The following NLGN4Y variants were observed in gnomAD, a reference collection of about 807,000 sequenced individuals.
NLGN4Y encodes the protein neuroligin-4, Y-linked.
NLGN4Y carries 4 observed loss-of-function variants against 8.4 expected under a neutral mutation model. That is an observed-to-expected ratio of 0.48 (90% CI 0.23 to 1.09). The LOEUF is 1.09. Among genes scored for constraint, NLGN4Y ranks in the 50% least tolerant of loss-of-function variants. The pLI, the probability that NLGN4Y is intolerant of heterozygous loss-of-function variation, is 0.19. For synonymous variants in NLGN4Y, 35 were observed against 75.6 expected (o/e 0.46, Z 2.78); for missense variants, 90 against 192.3 (o/e 0.47, Z 3.15).
At position 14,669,890 on chromosome Y, in the gene NLGN4Y, A is replaced by C. The variant is rs757265845; in HGVS notation, c.472+47299A>C. Among the ~76,000 whole-genome samples the C allele has an allele frequency of 1.8e-3, 61 of 34,347 alleles. No homozygotes were observed. The East Asian group carries it at 0.041, about 23-fold the overall frequency. 92.1% of individuals were successfully genotyped at this position (34,347 alleles called of 37,273 possible). On this transcript the variant is annotated intron_variant, in intron 2 of 6. Transcript: ENST00000684976. Reference sequence around the variant, plus strand: ...TTGTTTCAGGCGCATTGACAGCCTGATCATAGGCTCTAGCCATGTACCATG... The same window carrying C: ...TTGTTTCAGGCGCATTGACAGCCTGCTCATAGGCTCTAGCCATGTACCATG...
At chrY:14,723,021 A>G (rs2080942330) in intron 3 of NLGN4Y, 96 bp from the exon 4 acceptor site, 1 of 256,737 alleles carries the variant, frequency 3.9e-6, no homozygotes. Context: ...AAGTCAAAAT[A>G]AGGAAATCAG....
chrY:14,577,694 A>T, intron 1 of NLGN4Y, among the ~76,000 whole-genome samples: 3 of 34,050 alleles, frequency 8.8e-5, no homozygotes, highest in Admixed American at 2.6e-4. Flanking sequence ...GTCCTTGAGG[A>T]ATCACCACGT....
At chrY:14,754,831 T>C in intron 4 of NLGN4Y, among the ~76,000 whole-genome samples, 1 of 33,841 alleles carries the variant, frequency 3.0e-5, no homozygotes, top group South Asian at 6.5e-4. Flanking sequence ...GATTATTCTT[T>C]AGTTTCCAAA....
intron 1 of NLGN4Y, among the ~76,000 whole-genome samples, chrY:14,603,267 A>G: frequency 9.2e-5 from 3 of 32,636 alleles, no homozygotes; most frequent in African/African-American, 3.6e-4. Flanking sequence ...GCATCATTGC[A>G]TGGGAGTTCT....
intron 1 of NLGN4Y, among the ~76,000 whole-genome samples, chrY:14,552,701 A>C: frequency 3.0e-5 from 1 of 33,743 alleles, no homozygotes; most frequent in Non-Finnish European, 7.3e-5. Context: ...CAATGCAGAA[A>C]AGGCCTTTGA....
At chrY:14,733,865 C>A in intron 4 of NLGN4Y, among the ~76,000 whole-genome samples, 1 of 33,024 alleles carries the variant, frequency 3.0e-5, no homozygotes, top group African/African-American at 1.2e-4. Flanking sequence ...ATCACCCCCA[C>A]AGCAGCATCT....
intron 4 of NLGN4Y, among the ~76,000 whole-genome samples, chrY:14,783,116 G>C: frequency 3.0e-5 from 1 of 33,641 alleles, no homozygotes. Flanking sequence ...TTAACATAAA[G>C]TTCACAGGCC....
intron 2 of NLGN4Y, among the ~76,000 whole-genome samples, chrY:14,627,970 G>C (rs2080534687): frequency 3.0e-5 from 1 of 33,594 alleles, no homozygotes; most frequent in Non-Finnish European, 7.4e-5. Flanking sequence ...CTTAAGGTCA[G>C]GAGTTTCTGA....
At chrY:14,533,517 C>T in intron 1 of NLGN4Y, among the ~76,000 whole-genome samples, 4 of 33,356 alleles carry the variant, frequency 1.2e-4, no homozygotes, top group Non-Finnish European at 2.2e-4. Flanking sequence ...ATCACTCATA[C>T]TATTGAGCTA....
intron 1 of NLGN4Y, among the ~76,000 whole-genome samples, chrY:14,533,765 CA>C (rs2080121902): frequency 3.1e-5 from 1 of 32,710 alleles, no homozygotes; most frequent in Admixed American, 2.9e-4. Context: ...CACCCTGCAC[CA>C]GGCCCCAGTG....
intron 2 of NLGN4Y, among the ~76,000 whole-genome samples, chrY:14,650,655 A>T (rs566789512): frequency 3.0e-5 from 1 of 33,255 alleles, no homozygotes; most frequent in African/African-American, 1.2e-4. Flanking sequence ...GTAAGGAAGC[A>T]TTGCTTTTGA....
At chrY:14,714,588 A>G (rs2080909518) in intron 2 of NLGN4Y, among the ~76,000 whole-genome samples, 1 of 33,150 alleles carries the variant, frequency 3.0e-5, no homozygotes, top group Non-Finnish European at 7.4e-5. Context: ...CATATGCAGA[A>G]ACCTGAAACC....
chrY:14,553,123 C>G (rs2080199427), intron 1 of NLGN4Y, among the ~76,000 whole-genome samples: 2 of 32,822 alleles, frequency 6.1e-5, no homozygotes, highest in African/African-American at 2.4e-4. Context: ...TCCTATACCC[C>G]AGTAATAGAC....
intron 6 of NLGN4Y, among the ~76,000 whole-genome samples, chrY:14,836,294 A>G: frequency 9.2e-5 from 3 of 32,706 alleles, no homozygotes; most frequent in Non-Finnish European, 2.2e-4. Context: ...AAAAGTGAAA[A>G]CTAACTCTGA....
At chrY:14,674,379 G>A (rs1301684311) in intron 2 of NLGN4Y, among the ~76,000 whole-genome samples, 1 of 17,388 alleles carries the variant, frequency 5.8e-5, no homozygotes, top group Non-Finnish European at 1.1e-4. Context: ...CAGCTGACAC[G>A]CATCTGCTCA....
At chrY:14,560,383 A>G (rs2080223307) in intron 1 of NLGN4Y, among the ~76,000 whole-genome samples, 1 of 33,604 alleles carries the variant, frequency 3.0e-5, no homozygotes, top group African/African-American at 1.2e-4. Flanking sequence ...GGGAATGGGA[A>G]TGAGAATACA....
intron 4 of NLGN4Y, among the ~76,000 whole-genome samples, chrY:14,761,483 A>G: frequency 5.9e-5 from 2 of 33,996 alleles, no homozygotes; most frequent in Non-Finnish European, 1.5e-4. Context: ...TACTCAGAGT[A>G]TCTGCCCAGG....
chrY:14,752,697 C>A, intron 4 of NLGN4Y, among the ~76,000 whole-genome samples: 1 of 33,864 alleles, frequency 3.0e-5, no homozygotes, highest in Non-Finnish European at 7.3e-5. Flanking sequence ...TGGAAAATGC[C>A]ATTACTTACT....
At chrY:14,615,305 A>C in intron 1 of NLGN4Y, among the ~76,000 whole-genome samples, 2 of 33,555 alleles carry the variant, frequency 6.0e-5, no homozygotes, top group African/African-American at 2.3e-4. Flanking sequence ...TTATCAGCTT[A>C]AGGAGACTTG....
Sources: gnomAD v4.1 joint callset for allele counts (sites outside exome capture counted in the v4.1 genomes callset) on GRCh38, gnomAD v4.1.1 for gene constraint, MANE v1.5 for transcripts, NCBI Gene and HGNC (gene_info 2026-07-23, HGNC 2026-07-21) for gene names.